Variants in MMP1 observed in about 807,000 individuals in gnomAD.
MMP1 encodes matrix metallopeptidase 1.
In MMP1, 51 loss-of-function variants were observed where a neutral mutation model predicts 49.6. The ratio of observed to expected loss-of-function variants is 1.03; its 90% confidence interval spans 0.82 to 1.30. The LOEUF is 1.30. Among genes scored for constraint, MMP1 ranks in the 50% most tolerant of loss-of-function variants. MMP1 has a pLI of 0.00. For synonymous variants in MMP1, 230 were observed against 196.8 expected (o/e 1.17, Z -1.41); for missense variants, 623 against 568.7 (o/e 1.10, Z -0.97).
intron 5 of MMP1, 80 bp downstream of exon 5, chr11:102,795,372 A>C (rs1257241479): frequency 6.2e-7 from 1 of 1,602,276 alleles, no homozygotes; most frequent in African/African-American, 1.3e-5. Context: ...TTCTTCAAGG[A>C]TATCGCTAAT....
chr11:102,796,618 CATG>C, intron 4 of MMP1, 43 bp downstream of exon 4: 1 of 1,587,894 alleles, frequency 6.3e-7, no homozygotes, highest in Non-Finnish European at 8.6e-7. Flanking sequence ...TACAATGAAA[CATG>C]AAGGGGTGGG....
chr11:102,795,387 G>A, intron 5 of MMP1, 65 bp downstream of exon 5: 3 of 1,602,524 alleles, frequency 1.9e-6, no homozygotes, highest in Non-Finnish European at 2.6e-6. Flanking sequence ...GCTAATGGCT[G>A]TTTTATTTGA....
At chr11:102,792,438 C>T (rs41500345) in intron 7 of MMP1, among the ~76,000 whole-genome samples, 167 bp downstream of exon 7, 1 of 152,132 alleles carries the variant, frequency 6.6e-6, no homozygotes, top group Non-Finnish European at 1.5e-5. Context: ...CTCCAAAATG[C>T]GCTACGCACC....
At position 102,795,292 on chromosome 11, in the gene MMP1, C is replaced by A; in HGVS notation, c.782-1G>T. The stretch of plus-strand genomic sequence containing the variant: ...GGCTGGACAGGATTTTGGGAACGTC[C>A]TAAGGAAAATAAAATACCTAGAGTT... On this transcript the variant is annotated splice_acceptor_variant, in intron 5 of 9. Coordinates refer to ENST00000315274, the MANE Select transcript of MMP1 (RefSeq NM_002421.4). LOFTEE classifies it high-confidence loss of function. 6.2e-7 allele frequency: 1 copy of A among 1,613,798 alleles called. No homozygotes were observed. The highest frequency in any genetic ancestry group is 8.5e-7 in the Non-Finnish European group (1 of 1,179,850).
intron 8 of MMP1, among the ~76,000 whole-genome samples, 170 bp from the exon 9 acceptor site, chr11:102,790,976 C>A (rs1157336622): frequency 6.6e-6 from 1 of 152,194 alleles, no homozygotes; most frequent in South Asian, 2.1e-4. Context: ...AACTAAAAGG[C>A]CTTTAAGGCC....
rs1482873476 is a variant in MMP1, at chr11:102,796,686, T to C, written c.603A>G (p.Glu201=). The C allele has an allele frequency of 6.2e-7, 1 of 1,613,932 alleles. No homozygotes were observed. The highest frequency in any genetic ancestry group is 8.5e-7 in the Non-Finnish European group (1 of 1,179,924). Residue 201 remains glutamate (E), a synonymous_variant, in exon 4 of 10, where the codon GAA becomes GAG. Transcript: ENST00000315274. ...TACCTCTGAAATTGTTGGTCCACCT[T>C]TCATCTTCATCAAAATGAGCATCCC... is the stretch of plus-strand genomic sequence containing the variant. ...IGGDAHFDED[E]RWTNNFREYN...
chr11:102,790,996 T>C (rs747618575), intron 8 of MMP1, among the ~76,000 whole-genome samples, 190 bp from the exon 9 acceptor site: 4 of 152,164 alleles, frequency 2.6e-5, no homozygotes, highest in Non-Finnish European at 4.4e-5. Flanking sequence ...CCCTCTGAAA[T>C]CCAGCATCGA....
intron 6 of MMP1, chr11:102,793,171 G>A (rs1858082281): frequency 6.6e-6 from 1 of 152,502 alleles, no homozygotes; most frequent in Non-Finnish European, 1.5e-5. Flanking sequence ...CCAGGCTGGA[G>A]TGTAGTGGTA....
intron 4 of MMP1, 151 bp downstream of exon 4, chr11:102,796,513 C>G: frequency 2.2e-6 from 2 of 889,174 alleles, no homozygotes; most frequent in Non-Finnish European, 3.2e-6. Flanking sequence ...AAAGACCGCT[C>G]TTTCACTTTT....
intron 4 of MMP1, among the ~76,000 whole-genome samples, 191 bp downstream of exon 4, chr11:102,796,473 G>T (rs533950507): frequency 3.9e-5 from 6 of 152,298 alleles, no homozygotes; most frequent in African/African-American, 1.4e-4. Flanking sequence ...TGGCCTAGTT[G>T]TCACTGCTAA....
intron 7 of MMP1, among the ~76,000 whole-genome samples, chr11:102,792,218 C>T (rs1858049731): frequency 6.6e-6 from 1 of 152,180 alleles, no homozygotes; most frequent in South Asian, 2.1e-4. Flanking sequence ...ATGGCTGAGT[C>T]AAATGTCTTA....
At position 102,795,559 on chromosome 11, in the gene MMP1, C is replaced by T; in HGVS notation, c.674G>A (p.Gly225Glu). The change falls in exon 5 of 10, where the codon GGA (glycine) becomes GAA (glutamate). Residue 225 changes from glycine (G) to glutamate (E), a missense_variant. Transcript: ENST00000315274. ...CCCGATATCAGTAGAATGGGAGAGT[C>T]CAAGAGAATGGCCGAGTTCATGAGC... ...VAAHELGHSL[G>E]LSHSTDIGAL... is the part of the protein sequence containing the mutation. The T allele has an allele frequency of 6.2e-7, 1 of 1,613,854 alleles. No homozygotes were observed. The highest frequency in any genetic ancestry group is 8.5e-7 in the Non-Finnish European group (1 of 1,179,954).
chr11:102,792,474 T>A (rs1383742628), intron 7 of MMP1, 131 bp downstream of exon 7: 4 of 898,298 alleles, frequency 4.5e-6, no homozygotes, highest in Admixed American at 2.6e-5. Flanking sequence ...TGGACTTTCA[T>A]TGATTTGGTT....
rs1193660275 is a variant in MMP1, at chr11:102,797,248, C to T, written c.350+8G>A. 1.9e-6 allele frequency: 3 copies of T among 1,614,132 alleles called. No individual in the cohort carries two copies. The Admixed American group carries it at 5.0e-5, about 27-fold the overall frequency. ...TAGCTCTCTCACTCTGGCCCTCAGT[C>T]TGCCTACCTGTAGGTCAGATGTGTT... On this transcript the variant is annotated splice_region_variant and intron_variant, in intron 2 of 9. Transcript: ENST00000315274.
chr11:102,795,309 C>G lies in MMP1; in HGVS notation c.782-18G>C, dbSNP rs757705160. ...GGAACGTCCTAAGGAAAATAAAATA[C>G]CTAGAGTTAGTTTTGCCTAGTATTA... On this transcript the variant is annotated intron_variant, in intron 5 of 9. Coordinates refer to ENST00000315274, the MANE Select transcript of MMP1 (RefSeq NM_002421.4). The G allele has an allele frequency of 6.2e-7, 1 of 1,612,264 alleles. No individual in the cohort carries two copies. The highest frequency in any genetic ancestry group is 1.3e-5 in the African/African-American group (1 of 74,836).
chr11:102,796,063 G>C (rs1325688126), intron 4 of MMP1, among the ~76,000 whole-genome samples: 1 of 152,178 alleles, frequency 6.6e-6, no homozygotes, highest in Admixed American at 6.5e-5. Context: ...CGGTTCTCCT[G>C]CCTCAGCCTC....
At chr11:102,797,595 C>T in intron 1 of MMP1, 95 bp from the exon 2 acceptor site, 2 of 1,449,612 alleles carry the variant, frequency 1.4e-6, no homozygotes, top group Non-Finnish European at 1.9e-6. Context: ...CAGAGAACTG[C>T]TTTTAAACCT....
chr11:102,797,551 T>C, intron 1 of MMP1, 51 bp from the exon 2 acceptor site: 2 of 1,600,560 alleles, frequency 1.2e-6, no homozygotes, highest in Non-Finnish European at 1.7e-6. Context: ...TTCTCATTAT[T>C]CTAAAAATTG....
chr11:102,795,910 C>G (rs1282373083), intron 4 of MMP1, among the ~76,000 whole-genome samples: 2 of 152,164 alleles, frequency 1.3e-5, no homozygotes, highest in African/African-American at 2.4e-5. Context: ...TACTATTTCA[C>G]ACAGAAGCAA....
Sources: gnomAD v4.1 joint callset for allele counts (sites outside exome capture counted in the v4.1 genomes callset) on GRCh38, gnomAD v4.1.1 for gene constraint, MANE v1.5 for transcripts, NCBI Gene and HGNC (gene_info 2026-07-23, HGNC 2026-07-21) for gene names.